The following SGCZ variants were observed in gnomAD, a reference collection of about 807,000 sequenced individuals.
The protein encoded by SGCZ is sarcoglycan zeta, also known as zeta-sarcoglycan.
SGCZ carries 40 observed loss-of-function variants against 41.3 expected under a neutral mutation model. The ratio of observed to expected loss-of-function variants is 0.97; its 90% CI spans 0.75 to 1.26. SGCZ has a LOEUF of 1.26. Among genes scored for constraint, SGCZ ranks in the 50% most tolerant of loss-of-function variants. SGCZ has a pLI of 0.00. For missense variants in SGCZ, 552 were observed against 369.8 expected (o/e 1.49, Z -4.04); for synonymous variants, 206 against 137.5 (o/e 1.50, Z -3.49).
At chr8:15,228,062 C>T (rs1007012617) in intron 1 of SGCZ, among the ~76,000 whole-genome samples, 1 of 151,980 alleles carries the variant, frequency 6.6e-6, no homozygotes, top group Admixed American at 6.6e-5. Flanking sequence ...AAAAAAAAGT[C>T]GATACTTGCA....
At chr8:14,162,389 A>G (rs1804073650) in intron 5 of SGCZ, among the ~76,000 whole-genome samples, 1 of 152,162 alleles carries the variant, frequency 6.6e-6, no homozygotes, top group Non-Finnish European at 1.5e-5. Context: ...AAGCATTACC[A>G]GGGTTCAAAG....
chr8:15,031,754 T>C (rs1216352074), intron 1 of SGCZ, among the ~76,000 whole-genome samples: 1 of 152,134 alleles, frequency 6.6e-6, no homozygotes, highest in Admixed American at 6.5e-5. Context: ...AGTAGTAATA[T>C]TACATATTTA....
chr8:15,010,904 C>T (rs1018991498), intron 1 of SGCZ, among the ~76,000 whole-genome samples: 1 of 152,184 alleles, frequency 6.6e-6, no homozygotes, highest in Non-Finnish European at 1.5e-5. Context: ...TGTAATCCTT[C>T]AAACTTTAGA....
At chr8:14,780,294 G>T (rs1800548376) in intron 1 of SGCZ, among the ~76,000 whole-genome samples, 1 of 150,014 alleles carries the variant, frequency 6.7e-6, no homozygotes, top group African/African-American at 2.5e-5. Context: ...AGAATAGCAC[G>T]AACCCGGGGG....
intron 1 of SGCZ, among the ~76,000 whole-genome samples, chr8:15,134,854 C>A (rs1308640523): frequency 6.6e-6 from 1 of 151,990 alleles, no homozygotes; most frequent in Non-Finnish European, 1.5e-5. Context: ...TTGATCATTA[C>A]GGAATCATTA....
chr8:14,117,806 T>G (rs112884179), intron 5 of SGCZ, among the ~76,000 whole-genome samples: 1 of 150,826 alleles, frequency 6.6e-6, no homozygotes, highest in Admixed American at 6.6e-5. Context: ...CATTGTTCAA[T>G]TCCCACTTAT....
chr8:15,190,638 G>GCCAGAAAT (rs1563174814), intron 1 of SGCZ, among the ~76,000 whole-genome samples: 1 of 151,652 alleles, frequency 6.6e-6, no homozygotes, highest in African/African-American at 2.4e-5. Flanking sequence ...GATAGTTTCA[G>GCCAGAAAT]AGCCTTCAAA....
At chr8:14,499,708 C>G (rs1802094336) in intron 2 of SGCZ, among the ~76,000 whole-genome samples, 1 of 151,848 alleles carries the variant, frequency 6.6e-6, no homozygotes, top group South Asian at 2.1e-4. Context: ...TTTTTAAATT[C>G]TGTATTTATT....
chr8:14,444,649 A>C (rs1402028366), intron 2 of SGCZ, among the ~76,000 whole-genome samples: 72 of 118,118 alleles, frequency 6.1e-4, no homozygotes, highest in African/African-American at 2.1e-3. Context: ...ACATCACACT[A>C]TGGGGACTGT....
intron 1 of SGCZ, among the ~76,000 whole-genome samples, chr8:14,612,674 T>TTTTTTG (rs1260240874): frequency 6.6e-6 from 1 of 151,934 alleles, no homozygotes; most frequent in Non-Finnish European, 1.5e-5. Context: ...TTTTTTTGTT[T>TTTTTTG]TTTTGTTTTG....
intron 1 of SGCZ, among the ~76,000 whole-genome samples, chr8:14,675,026 C>T (rs1808228987): frequency 7.0e-6 from 1 of 143,264 alleles, no homozygotes; most frequent in Admixed American, 7.7e-5. Context: ...GCAAGCTCTG[C>T]CTCCCGGGTT....
intron 1 of SGCZ, among the ~76,000 whole-genome samples, chr8:14,834,276 G>C (rs191724069): frequency 2.2e-3 from 342 of 152,228 alleles, no homozygotes; most frequent in Non-Finnish European, 4.2e-3. Context: ...AAATCTTTTA[G>C]AATTTTGAGC....
chr8:14,680,280 T>G (rs1303773635), intron 1 of SGCZ, among the ~76,000 whole-genome samples: 1 of 152,112 alleles, frequency 6.6e-6, no homozygotes, highest in East Asian at 1.9e-4. Flanking sequence ...GGTGTATACG[T>G]GTCATTATAA....
intron 3 of SGCZ, among the ~76,000 whole-genome samples, chr8:14,249,524 G>C (rs1252116486): frequency 6.6e-6 from 1 of 152,120 alleles, no homozygotes; most frequent in Non-Finnish European, 1.5e-5. Context: ...TAAGCAACAA[G>C]GAGACCTTGC....
intron 2 of SGCZ, among the ~76,000 whole-genome samples, chr8:14,333,973 G>C (rs1198715116): frequency 6.6e-6 from 1 of 152,058 alleles, no homozygotes; most frequent in Non-Finnish European, 1.5e-5. Context: ...ACTGAACATG[G>C]CTAGAAATGT....
chr8:15,096,118 C>T (rs143790464), intron 1 of SGCZ, among the ~76,000 whole-genome samples: 19 of 152,044 alleles, frequency 1.2e-4, no homozygotes, highest in Non-Finnish European at 8.8e-5. Flanking sequence ...TGCCCTGTAC[C>T]GCAGGCTGGA....
intron 1 of SGCZ, among the ~76,000 whole-genome samples, chr8:14,780,243 C>T (rs1003288418): frequency 3.3e-5 from 5 of 151,654 alleles, no homozygotes; most frequent in East Asian, 1.9e-4. Context: ...GGTGTGGTGG[C>T]GGGCACCTGT....
intron 2 of SGCZ, among the ~76,000 whole-genome samples, chr8:14,420,412 T>G (rs1400355216): frequency 6.6e-6 from 1 of 152,114 alleles, no homozygotes; most frequent in Admixed American, 6.6e-5. Flanking sequence ...CTTATAATCT[T>G]AGCTTTTGTT....
At chr8:15,009,430 G>C (rs1457884588) in intron 1 of SGCZ, among the ~76,000 whole-genome samples, 3 of 128,734 alleles carry the variant, frequency 2.3e-5, no homozygotes, top group South Asian at 2.7e-4. Context: ...CATGAGATTT[G>C]GGTGGGGACA....
Sources: gnomAD v4.1 joint callset for allele counts (sites outside exome capture counted in the v4.1 genomes callset) on GRCh38, gnomAD v4.1.1 for gene constraint, MANE v1.5 for transcripts, NCBI Gene and HGNC (gene_info 2026-07-23, HGNC 2026-07-21) for gene names.